Variants in CTNNA2 observed in about 807,000 individuals in gnomAD.
The protein encoded by CTNNA2 is catenin alpha-2.
CTNNA2 carries 42 observed loss-of-function variants against 101.0 expected under a neutral mutation model. That is an observed-to-expected ratio of 0.42 (90% CI 0.32 to 0.54). The LOEUF (loss-of-function observed/expected upper bound fraction) is 0.54. CTNNA2 is among the 20% of genes least tolerant of loss of function. The pLI, the probability that CTNNA2 is intolerant of heterozygous loss-of-function variation, is 0.14. For missense variants in CTNNA2, 871 were observed against 1,223.1 expected, an observed-to-expected ratio of 0.71 and a Z score of 4.29; for synonymous variants, 450 against 456.4, an observed-to-expected ratio of 0.99 and a Z score of 0.18.
At chr2:79,356,060 G>C (rs376622423) in intron 3 of CTNNA2, among the ~76,000 whole-genome samples, 1 of 151,068 alleles carries the variant, frequency 6.6e-6, no homozygotes, top group African/African-American at 2.4e-5. Flanking sequence ...TCCTACCAGC[G>C]TATATATATA....
intron 17 of CTNNA2, among the ~76,000 whole-genome samples, chr2:80,616,946 T>G (rs12478526): frequency 0.57 from 86,108 of 151,468 alleles, 24,828 homozygotes; most frequent in African/African-American, 0.64. Flanking sequence ...CTGAAGTCAT[T>G]TTCCATTTCC....
Position 79,965,693 on chromosome 2 carries a change from G to A in CTNNA2, c.1056+55896G>A, listed in dbSNP as rs144522645. The stretch of plus-strand genomic sequence containing the variant: ...ACAAAAATTAGCCAGGTGTGGTGTC[G>A]CATGCCTGTAATCCCAGATACTTGG... On this transcript the variant is annotated intron_variant, in intron 7 of 18. Coordinates refer to ENST00000402739, the MANE Select transcript of CTNNA2 (RefSeq NM_001282597.3). Among the ~76,000 whole-genome samples the A allele has an allele frequency of 1.3e-3, 200 of 151,786 alleles. 1 individual carries two copies. Among genetic ancestry groups the A allele is most frequent in the African/African-American group, 4.7e-3 (194 of 41,406 alleles).
chr2:79,254,836 C>T (rs1573000849), intron 2 of CTNNA2, among the ~76,000 whole-genome samples: 1 of 151,922 alleles, frequency 6.6e-6, no homozygotes, highest in African/African-American at 2.4e-5. Flanking sequence ...GATATCCTAC[C>T]TTTATTAAAG....
chr2:79,347,536 T>C (rs1049676656), intron 3 of CTNNA2, among the ~76,000 whole-genome samples: 2 of 152,190 alleles, frequency 1.3e-5, no homozygotes, highest in Non-Finnish European at 2.9e-5. Context: ...ATAGTTTTTT[T>C]CCAAATCTGT....
At chr2:79,509,721 C>T (rs958011622), upstream of CTNNA2, among the ~76,000 whole-genome samples, 1 of 152,082 alleles carries the variant, frequency 6.6e-6, no homozygotes, top group African/African-American at 2.4e-5. Context: ...TGTACAAAAC[C>T]AAGAGTGAAC....
chr2:79,851,704 TTTTTTC>T (rs1680719256), intron 3 of CTNNA2, among the ~76,000 whole-genome samples: 1 of 151,232 alleles, frequency 6.6e-6, no homozygotes, highest in Non-Finnish European at 1.5e-5. Context: ...TCTCATCCTT[TTTTTTC>T]TTTTTCTTTT....
intron 3 of CTNNA2, among the ~76,000 whole-genome samples, chr2:79,798,560 CT>C (rs34542700): frequency 0.16 from 19,896 of 123,534 alleles, 1,422 homozygotes; most frequent in Middle Eastern, 0.2. Context: ...TATAATAAGA[CT>C]TTTTTTTTTT....
chr2:79,909,428 A>G (rs1685640453), intron 6 of CTNNA2, among the ~76,000 whole-genome samples, 166 bp from the exon 7 acceptor site: 1 of 152,260 alleles, frequency 6.6e-6, no homozygotes, highest in Non-Finnish European at 1.5e-5. Context: ...CAAAATATCT[A>G]GAAAAAGTTA....
At chr2:79,368,482 T>A (rs1223608337) in intron 3 of CTNNA2, among the ~76,000 whole-genome samples, 1 of 152,218 alleles carries the variant, frequency 6.6e-6, no homozygotes, top group Non-Finnish European at 1.5e-5. Context: ...AGCTACTCCA[T>A]AGCTGGACGT....
chr2:80,616,531 C>T (rs1297485833), intron 17 of CTNNA2: 1 of 151,700 alleles, frequency 6.6e-6, no homozygotes, highest in African/African-American at 2.4e-5. Context: ...TTTTTATTAA[C>T]CTCAAAGATT....
chr2:80,479,714 G>T lies in CTNNA2; in HGVS notation c.1290+60113G>T, dbSNP rs192950470. Among the ~76,000 whole-genome samples, 4 of 152,266 alleles carry T rather than the reference G, an allele frequency of 2.6e-5. No individual in the cohort carries two copies. The East Asian group carries it at 7.7e-4, about 29-fold the overall frequency. On this transcript the variant is annotated intron_variant, in intron 9 of 18. Coordinates refer to ENST00000402739, the MANE Select transcript of CTNNA2 (RefSeq NM_001282597.3). ...CCTAAAAAAAGGTAAATTCTCATCT[G>T]TAGATAACTAAAATGTAACTTAGTC...
Position 79,858,027 on chromosome 2 carries a change from A to G in CTNNA2, c.313A>G (p.Ile105Val). 6.2e-7 allele frequency: 1 copy of G among 1,613,104 alleles called. No homozygotes were observed. The highest frequency in any genetic ancestry group is 1.1e-5 in the South Asian group (1 of 91,072). ...DVRKQGETMR[I>V]ASSEFADDPC... ...CTGTCTTCCAGGTGAGACGATGCGG[A>G]TCGCCTCCTCCGAGTTTGCAGATGA... The change falls in exon 4 of 19, where the codon ATC becomes GTC. Residue 105 changes from isoleucine (I) to valine (V), a missense_variant. By Grantham distance (29) the Ile-to-Val change is conservative (BLOSUM62 3). This residue lies in a region of CTNNA2 where 647 missense variants were observed against 831.5 expected (regional missense o/e 0.78). Coordinates refer to ENST00000402739, the MANE Select transcript of CTNNA2 (RefSeq NM_001282597.3).
Position 80,391,398 on chromosome 2 carries a change from AT to A in CTNNA2, c.1057-1806del, listed in dbSNP as rs556351157. Reference sequence around the variant, plus strand: ...TATTTTGTGTATCTAAAGTGTCTCAATTTTTTTCTTTTCACTTTGAAAAGTT... The same window carrying A: ...TATTTTGTGTATCTAAAGTGTCTCAATTTTTTCTTTTCACTTTGAAAAGTT... On this transcript the variant is annotated intron_variant, in intron 7 of 18. Coordinates refer to ENST00000402739, the MANE Select transcript of CTNNA2 (RefSeq NM_001282597.3). Among the ~76,000 whole-genome samples the A allele has an allele frequency of 9.2e-5, 14 of 152,086 alleles. No individual in the cohort carries two copies. In the East Asian group the frequency reaches 2.7e-3, roughly 29 times the overall value.
intron 2 of CTNNA2, among the ~76,000 whole-genome samples, chr2:79,669,889 G>T (rs2104576160): frequency 6.6e-6 from 1 of 152,296 alleles, no homozygotes; most frequent in African/African-American, 2.4e-5. Flanking sequence ...AGAGGCACCA[G>T]AAGTCTCCAC....
chr2:80,647,962 C>CAG lies in CTNNA2; in HGVS notation c.*90_*91insAG. 1 of 1,254,312 alleles carries CAG rather than the reference C, an allele frequency of 8.0e-7. No homozygotes were observed. The highest frequency in any genetic ancestry group is 1.1e-6 in the Non-Finnish European group (1 of 910,786). 77.7% of individuals were successfully genotyped at this position (1,254,312 alleles called of 1,614,324 possible). A position where few individuals can be genotyped will look rare whatever the true frequency, so the allele number is the denominator to read the frequency against. On this transcript the variant is annotated 3_prime_UTR_variant, in exon 19 of 19. Transcript: ENST00000402739. ...ATTTTTGTATGCATACCTGCCAGCT[C>CAG]GTATGCCTCTGGCATGGGGAAATTA...
intron 1 of CTNNA2, among the ~76,000 whole-genome samples, chr2:79,520,236 C>T (rs902269438): frequency 1.3e-5 from 2 of 152,132 alleles, no homozygotes. Context: ...TATCTGTTAC[C>T]CTAAAATCTT....
chr2:80,470,202 C>T (rs1386451731), intron 9 of CTNNA2, among the ~76,000 whole-genome samples: 2 of 152,274 alleles, frequency 1.3e-5, no homozygotes, highest in East Asian at 1.9e-4. Context: ...TCTTGCCTAC[C>T]ACTTTGTCTA....
intron 2 of CTNNA2, among the ~76,000 whole-genome samples, chr2:79,232,918 G>T (rs755305192): frequency 5.3e-5 from 8 of 151,988 alleles, no homozygotes; most frequent in Non-Finnish European, 7.4e-5. Flanking sequence ...CACTTATTTG[G>T]ATCTTTTTTT....
chr2:80,052,403 G>A (rs543141929), intron 7 of CTNNA2, among the ~76,000 whole-genome samples: 2 of 152,304 alleles, frequency 1.3e-5, no homozygotes, highest in African/African-American at 2.4e-5. Context: ...CATCTTAGAT[G>A]TCATATAGCT....
Sources: gnomAD v4.1 joint callset for allele counts (sites outside exome capture counted in the v4.1 genomes callset) on GRCh38, gnomAD v4.1.1 for gene constraint, gnomAD v4.1.1 regional missense constraint, MANE v1.5 for transcripts, NCBI Gene and HGNC (gene_info 2026-07-23, HGNC 2026-07-21) for gene names.